The following NPIPB6 variants were observed in gnomAD, a reference collection of about 807,000 sequenced individuals.
NPIPB6 encodes the protein nuclear pore complex interacting protein family member B6.
Under a neutral mutation model 20.0 loss-of-function variants are expected in NPIPB6, and 2 were observed. The observed-to-expected ratio is 0.10, with a 90% CI of 0.04 to 0.31. The LOEUF (loss-of-function observed/expected upper bound fraction) is 0.31, where lower values mean the gene tolerates loss of function less well. NPIPB6 is among the 10% of genes least tolerant of loss of function. The pLI, the probability that NPIPB6 is intolerant of heterozygous loss-of-function variation, is 1.00. For synonymous variants in NPIPB6, 35 were observed against 116.3 expected (o/e 0.30, Z 4.50); for missense variants, 96 against 293.7 (o/e 0.33, Z 4.92).
At chr16:28,361,437 AT>A (rs201166690) in intron 1 of NPIPB6, among the ~76,000 whole-genome samples, 11,162 of 141,634 alleles carry the variant, frequency 0.079, 23 homozygotes, top group East Asian at 0.18. Flanking sequence ...AAATAATTTT[AT>A]CTTGGACCGG....
intron 1 of NPIPB6, among the ~76,000 whole-genome samples, chr16:28,355,903 C>G (rs1455668047): frequency 8.4e-6 from 1 of 119,564 alleles, no homozygotes; most frequent in African/African-American, 2.9e-5. Flanking sequence ...AATCCCAGCA[C>G]TGGGAGGCCG....
At position 28,359,147 on chromosome 16, in the gene NPIPB6, C is replaced by G. The variant is rs1402031234; in HGVS notation, c.120+3556G>C. ...GTTGTGTTGGTTGTAAAAGGAGAGA[C>G]CAAGTAAGTGGGGGTTGAAGTCAGA... On this transcript the variant is annotated intron_variant, in intron 1 of 6. Coordinates refer to ENST00000532254, the Ensembl canonical transcript of NPIPB6. Among the ~76,000 whole-genome samples the G allele has an allele frequency of 3.7e-4, 50 of 136,190 alleles. No individual in the cohort carries two copies. The Admixed American group carries it at 3.7e-3, about 10-fold the overall frequency. 89.3% of individuals were successfully genotyped at this position (136,190 alleles called of 152,430 possible). A position where few individuals can be genotyped will look rare whatever the true frequency, so the allele number is the denominator to read the frequency against.
chr16:28,347,496 G>A (rs376173075), intron 4 of NPIPB6, among the ~76,000 whole-genome samples: 6,201 of 117,342 alleles, frequency 0.053, 562 homozygotes, highest in African/African-American at 0.16. Context: ...TGGAGGACCC[G>A]TGACCATCCC....
In NPIPB6 at chr16:28,356,675, G is replaced by A. The variant is rs1456116515; in HGVS notation, c.121-3614C>T. The A allele has an allele frequency of 2.5e-5, 8 of 317,236 alleles. 1 individual carries two copies. The highest frequency in any genetic ancestry group is 4.2e-5 in the Non-Finnish European group (8 of 190,632). 19.7% of individuals were successfully genotyped at this position (317,236 alleles called of 1,614,324 possible). ...GTGGCTTAGGGCAGGGGGGAGGGAAGGGGACGGGGACCGGGGCGGATCTGA... is the reference window on the plus strand; with the variant it reads ...GTGGCTTAGGGCAGGGGGGAGGGAAAGGGACGGGGACCGGGGCGGATCTGA... On this transcript the variant is annotated intron_variant, in intron 1 of 6. Transcript: ENST00000532254.
exon 7 of NPIPB6, chr16:28,342,837 G>C (rs1350690813): frequency 4.5e-6 from 7 of 1,567,078 alleles, no homozygotes; most frequent in African/African-American, 4.1e-5. Context: ...TCGGCCTCCT[G>C]AGTAGCTAAG....
At chr16:28,350,125 A>G (rs2045195923) in intron 2 of NPIPB6, among the ~76,000 whole-genome samples, 1 of 102,082 alleles carries the variant, frequency 9.8e-6, no homozygotes, top group South Asian at 2.9e-4. Context: ...TGAACCCAGA[A>G]GGCAGAGGTT....
intron 1 of NPIPB6, among the ~76,000 whole-genome samples, chr16:28,358,979 G>A (rs2045368680): frequency 7.2e-6 from 1 of 139,128 alleles, no homozygotes; most frequent in Non-Finnish European, 1.5e-5. Context: ...CTACTCAGGA[G>A]GCTGAGGCAG....
intron 4 of NPIPB6, chr16:28,346,076 G>A (rs2045075641): frequency 1.7e-6 from 1 of 586,860 alleles, no homozygotes; most frequent in Non-Finnish European, 2.0e-6. Context: ...CTGGCCTGCT[G>A]GCAAGTCACC....
chr16:28,353,164 AC>A, intron 1 of NPIPB6, 103 bp from the exon 3 acceptor site: 1 of 159,648 alleles, frequency 6.3e-6, no homozygotes, highest in Non-Finnish European at 1.2e-5. Flanking sequence ...CCAAAAGGTA[AC>A]CACATCCCTC....
chr16:28,349,916 A>G (rs1467483707), intron 2 of NPIPB6, among the ~76,000 whole-genome samples: 1 of 93,092 alleles, frequency 1.1e-5, no homozygotes. Flanking sequence ...AAAAAAAAAG[A>G]GCCCAGGTGC....
chr16:28,360,483 G>A (rs858175), intron 1 of NPIPB6, among the ~76,000 whole-genome samples: 5,836 of 103,360 alleles, frequency 0.056, 365 homozygotes, highest in African/African-American at 0.085. Flanking sequence ...GATTTTGTGC[G>A]GCTCTGGGAC....
At chr16:28,361,768 GTA>G (rs60485532) in intron 1 of NPIPB6, among the ~76,000 whole-genome samples, 6,453 of 63,952 alleles carry the variant, frequency 0.1, 123 homozygotes, top group Middle Eastern at 0.15. Flanking sequence ...GTGTGTGTGT[GTA>G]TGTGTGTGTG....
chr16:28,361,772 G>GTC (rs1166642864), intron 1 of NPIPB6, among the ~76,000 whole-genome samples: 1 of 126,918 alleles, frequency 7.9e-6, no homozygotes, highest in African/African-American at 2.9e-5. Flanking sequence ...GTGTGTGTAT[G>GTC]TGTGTGTGTG....
chr16:28,356,816 GC>G lies in NPIPB6; in HGVS notation c.121-3756del, dbSNP rs962606470. 16 of 47,302 alleles carry G rather than the reference GC, an allele frequency of 3.4e-4. 1 individual carries two copies. The highest frequency in any genetic ancestry group is 1.5e-3 in the African/African-American group (16 of 10,970). The allele number at this position is 47,302 out of a possible 1,614,324, so 2.9% of individuals were successfully genotyped here. Reference sequence around the variant, plus strand: ...GTAAGGGAAGGGAAAGGAGAAGGGGGCTGTTGGGCACCTGGAGGAGGTGGAG... The same window carrying G: ...GTAAGGGAAGGGAAAGGAGAAGGGGGTGTTGGGCACCTGGAGGAGGTGGAG... On this transcript the variant is annotated intron_variant, in intron 1 of 6. Coordinates refer to ENST00000532254, the Ensembl canonical transcript of NPIPB6.
At chr16:28,348,049 G>T (rs1307773366) in intron 4 of NPIPB6, among the ~76,000 whole-genome samples, 1 of 117,164 alleles carries the variant, frequency 8.5e-6, no homozygotes, top group Non-Finnish European at 1.9e-5. Flanking sequence ...GGTGGAGGTT[G>T]CAGTGAGCCA....
At chr16:28,350,141 G>A (rs2045196215) in intron 2 of NPIPB6, among the ~76,000 whole-genome samples, 1 of 102,126 alleles carries the variant, frequency 9.8e-6, no homozygotes, top group Admixed American at 1.2e-4. Flanking sequence ...AGGTTGCAGT[G>A]AGCCAAGATC....
chr16:28,346,392 T>C (rs1398760249), intron 4 of NPIPB6, among the ~76,000 whole-genome samples: 1 of 117,660 alleles, frequency 8.5e-6, no homozygotes, highest in Non-Finnish European at 1.9e-5. Context: ...CAGAATATGG[T>C]GTCATTAACC....
At chr16:28,349,544 C>G (rs1379599040) in intron 2 of NPIPB6, among the ~76,000 whole-genome samples, 35 of 98,284 alleles carry the variant, frequency 3.6e-4, no homozygotes, top group East Asian at 8.8e-4. Flanking sequence ...GAATGAGACT[C>G]TGTCACACAC....
At chr16:28,360,260 T>C (rs931064170) in intron 1 of NPIPB6, among the ~76,000 whole-genome samples, 1 of 125,534 alleles carries the variant, frequency 8.0e-6, no homozygotes, top group African/African-American at 2.8e-5. Context: ...TGGATTTAAC[T>C]TAAAGGAACT....
Sources: allele counts gnomAD v4.1 joint callset (sites outside exome capture counted in the v4.1 genomes callset), GRCh38; gene constraint gnomAD v4.1.1; transcripts MANE v1.5; gene names NCBI Gene and HGNC (gene_info 2026-07-23, HGNC 2026-07-21).